The following WWOX variants were observed in gnomAD, a reference collection of about 807,000 sequenced individuals.
WWOX encodes WW domain-containing oxidoreductase.
In WWOX, 69 loss-of-function variants were observed where a neutral mutation model predicts 46.2. The observed-to-expected ratio is 1.49, with a 90% CI of 1.23 to 1.82. WWOX has a LOEUF of 1.82. Ranked by LOEUF, WWOX falls within the 40% of genes most tolerant of loss-of-function variation. The pLI is 0.00. For missense variants in WWOX, 919 were observed against 542.6 expected, an observed-to-expected ratio of 1.69 and a Z score of -6.89; for synonymous variants, 359 against 202.6, an observed-to-expected ratio of 1.77 and a Z score of -6.56.
intron 8 of WWOX, among the ~76,000 whole-genome samples, chr16:78,879,586 A>G (rs893321741): frequency 6.6e-6 from 1 of 152,138 alleles, no homozygotes; most frequent in Non-Finnish European, 1.5e-5. Flanking sequence ...TGTGCTTAGA[A>G]GGAATTCCTG....
intron 6 of WWOX, among the ~76,000 whole-genome samples, chr16:78,397,088 A>C (rs772092143): frequency 6.6e-6 from 1 of 152,186 alleles, no homozygotes; most frequent in African/African-American, 2.4e-5. Context: ...TGTTGTGTGC[A>C]TAGTTAATTT....
intron 6 of WWOX, among the ~76,000 whole-genome samples, chr16:78,396,160 C>T (rs185707272): frequency 1.3e-5 from 2 of 152,306 alleles, no homozygotes; most frequent in East Asian, 1.9e-4. Flanking sequence ...CTCATATCTC[C>T]TGTACCTTAT....
intron 8 of WWOX, among the ~76,000 whole-genome samples, chr16:79,025,103 T>C (rs1808447): frequency 0.8 from 122,074 of 152,192 alleles, 49,151 homozygotes; most frequent in East Asian, 0.96. Context: ...CAGTGAAGAG[T>C]CAGGAAGGTG....
At chr16:78,466,095 C>T (rs750619210) in intron 8 of WWOX, among the ~76,000 whole-genome samples, 2 of 151,780 alleles carry the variant, frequency 1.3e-5, no homozygotes, top group Non-Finnish European at 2.9e-5. Context: ...GCAGTGGCAC[C>T]ATCTCTGCTC....
chr16:78,396,063 T>G (rs1231487438), intron 6 of WWOX, among the ~76,000 whole-genome samples: 1 of 152,152 alleles, frequency 6.6e-6, no homozygotes, highest in African/African-American at 2.4e-5. Context: ...CTTAAAAACT[T>G]TTTTTGCCCT....
chr16:78,150,150 A>T (rs1034402760), intron 4 of WWOX, among the ~76,000 whole-genome samples: 2 of 152,292 alleles, frequency 1.3e-5, no homozygotes, highest in South Asian at 4.1e-4. Flanking sequence ...CCATCTCCTC[A>T]GGCTTGATAA....
intron 8 of WWOX, among the ~76,000 whole-genome samples, chr16:78,821,841 T>C (rs1283600680): frequency 6.6e-6 from 1 of 152,158 alleles, no homozygotes; most frequent in Non-Finnish European, 1.5e-5. Context: ...AGTCCAAAGC[T>C]AACAATTCTC....
intron 8 of WWOX, among the ~76,000 whole-genome samples, chr16:78,912,510 G>GA (rs930943308): frequency 1.3e-5 from 2 of 151,872 alleles, no homozygotes; most frequent in African/African-American, 4.8e-5. Context: ...TGGTGATCAA[G>GA]AAATGCCAGC....
intron 8 of WWOX, among the ~76,000 whole-genome samples, chr16:78,685,107 C>G (rs1406169298): frequency 6.6e-6 from 1 of 152,138 alleles, no homozygotes; most frequent in Non-Finnish European, 1.5e-5. Context: ...CTACTGGTAT[C>G]TCCACTTCTC....
At chr16:79,147,898 GT>G (rs757774426) in intron 8 of WWOX, among the ~76,000 whole-genome samples, 310 of 151,966 alleles carry the variant, frequency 2.0e-3, no homozygotes, top group Admixed American at 3.7e-3. Context: ...GTCTATTAAT[GT>G]TTTTTTCTCA....
intron 8 of WWOX, among the ~76,000 whole-genome samples, chr16:78,723,554 C>CTTCTTTTCTTTT (rs2048743819): frequency 9.2e-6 from 1 of 108,546 alleles, no homozygotes; most frequent in African/African-American, 3.5e-5. Flanking sequence ...GATTCCCAGC[C>CTTCTTTTCTTTT]TTCTTTTCTT....
chr16:79,145,826 A>T (rs1485947095), intron 8 of WWOX, among the ~76,000 whole-genome samples: 2 of 152,210 alleles, frequency 1.3e-5, no homozygotes, highest in East Asian at 3.8e-4. Context: ...GATAGAAAAA[A>T]ACCCCATTCA....
At chr16:78,866,031 G>A (rs1012224438) in intron 8 of WWOX, among the ~76,000 whole-genome samples, 7 of 152,150 alleles carry the variant, frequency 4.6e-5, no homozygotes, top group Admixed American at 1.3e-4. Context: ...CACAGCATCC[G>A]TGAGTCATAG....
At chr16:78,840,226 C>T (rs1022203084) in intron 8 of WWOX, among the ~76,000 whole-genome samples, 1 of 152,152 alleles carries the variant, frequency 6.6e-6, no homozygotes, top group Non-Finnish European at 1.5e-5. Flanking sequence ...ATCACTAATC[C>T]TAACTGTGCA....
At chr16:78,432,923 T>A (rs1006269071) in intron 8 of WWOX, among the ~76,000 whole-genome samples, 171 bp downstream of exon 8, 1 of 152,222 alleles carries the variant, frequency 6.6e-6, no homozygotes, top group African/African-American at 2.4e-5. Context: ...AGGTTAAGTC[T>A]GTTTGGGTAA....
At chr16:79,033,946 C>G (rs561527883) in intron 8 of WWOX, among the ~76,000 whole-genome samples, 2 of 152,298 alleles carry the variant, frequency 1.3e-5, no homozygotes, top group Non-Finnish European at 2.9e-5. Flanking sequence ...GATGTTGGAA[C>G]TGGGTGGCAC....
chr16:78,648,273 T>C (rs779233649), intron 8 of WWOX, among the ~76,000 whole-genome samples: 3 of 152,196 alleles, frequency 2.0e-5, no homozygotes, highest in Non-Finnish European at 4.4e-5. Flanking sequence ...GGTTTTTAGA[T>C]AGTCTGGAGG....
chr16:78,784,718 T>C (rs1196845892), intron 8 of WWOX, among the ~76,000 whole-genome samples: 4 of 152,130 alleles, frequency 2.6e-5, no homozygotes, highest in Admixed American at 2.6e-4. Flanking sequence ...AGTCAGGTGG[T>C]TGATGAGTTG....
intron 8 of WWOX, chr16:78,981,790 A>T (rs567677668): frequency 2.0e-5 from 3 of 152,192 alleles, no homozygotes; most frequent in Admixed American, 6.5e-5. Context: ...TCCGTTTCCA[A>T]GGACGAGGAG....
Sources: gnomAD v4.1 joint callset for allele counts (sites outside exome capture counted in the v4.1 genomes callset) on GRCh38, gnomAD v4.1.1 for gene constraint, MANE v1.5 for transcripts, NCBI Gene and HGNC (gene_info 2026-07-23, HGNC 2026-07-21) for gene names.